NEGR1: variants seen among roughly 807,000 people sequenced by gnomAD.
NEGR1 encodes the protein IgLON family member 4.
In NEGR1, 10 loss-of-function variants were observed where a neutral mutation model predicts 40.9. That is an observed-to-expected ratio of 0.24 (90% CI 0.15 to 0.42). The LOEUF is 0.42. Ranked by LOEUF, NEGR1 falls within the 10% of genes least tolerant of loss-of-function variation. The probability of loss-of-function intolerance (pLI) is 1.00; values close to 1 mark genes in which losing one functional copy is unlikely to be tolerated. For missense variants in NEGR1, 352 were observed against 438.9 expected (o/e 0.80, Z 1.77); for synonymous variants, 185 against 166.8 (o/e 1.11, Z -0.84).
intron 6 of NEGR1, among the ~76,000 whole-genome samples, chr1:71,444,195 T>C (rs1253772643): frequency 6.6e-6 from 1 of 152,156 alleles, no homozygotes; most frequent in Non-Finnish European, 1.5e-5. Context: ...AACTTTTACA[T>C]GTTTTGAAGA....
chr1:71,550,106 A>G (rs529151010), intron 6 of NEGR1, among the ~76,000 whole-genome samples: 2 of 151,718 alleles, frequency 1.3e-5, no homozygotes, highest in Non-Finnish European at 3.0e-5. Context: ...AATCATTTCT[A>G]CTGTCCAAGT....
chr1:72,114,046 T>A lies in NEGR1; in HGVS notation c.176+168273A>T, dbSNP rs190663206. Among the ~76,000 whole-genome samples, 3 of 151,884 alleles carry A rather than the reference T, an allele frequency of 2.0e-5. No individual in the cohort carries two copies. In the East Asian group the frequency reaches 5.8e-4, roughly 29 times the overall value. ...GCTTACAAATTTGAAATACAGGTAC[T>A]TGAGTGTTTTCAAAATTGATCAACG... On this transcript the variant is annotated intron_variant, in intron 1 of 6. Transcript: ENST00000357731.
At chr1:72,113,238 A>C (rs1329206782) in intron 1 of NEGR1, among the ~76,000 whole-genome samples, 1 of 151,712 alleles carries the variant, frequency 6.6e-6, no homozygotes, top group Admixed American at 6.6e-5. Context: ...GAGACTCTAA[A>C]ACTGTGAATC....
chr1:71,689,308 T>G (rs1280336796), intron 4 of NEGR1, among the ~76,000 whole-genome samples: 1 of 152,170 alleles, frequency 6.6e-6, no homozygotes, highest in Non-Finnish European at 1.5e-5. Context: ...GCAGTCTCTA[T>G]AAAACTTAAA....
At chr1:71,629,161 G>T (rs564200152) in intron 4 of NEGR1, among the ~76,000 whole-genome samples, 2 of 152,172 alleles carry the variant, frequency 1.3e-5, no homozygotes, top group East Asian at 3.9e-4. Flanking sequence ...CTAATGACCA[G>T]TGATAATGAG....
intron 1 of NEGR1, among the ~76,000 whole-genome samples, chr1:72,135,621 A>G (rs1389443782): frequency 1.3e-5 from 2 of 152,088 alleles, no homozygotes; most frequent in East Asian, 3.9e-4. Context: ...TTGAGAAGAA[A>G]GAACTGTGAG....
chr1:71,652,571 G>T (rs1490209645), intron 4 of NEGR1, among the ~76,000 whole-genome samples: 1 of 152,010 alleles, frequency 6.6e-6, no homozygotes, highest in Non-Finnish European at 1.5e-5. Flanking sequence ...TTACTATTTT[G>T]CCCATTATAG....
At chr1:71,423,710 T>C (rs190645413) in intron 6 of NEGR1, among the ~76,000 whole-genome samples, 1 of 152,222 alleles carries the variant, frequency 6.6e-6, no homozygotes, top group Admixed American at 6.5e-5. Flanking sequence ...GCAATCACAT[T>C]ATAATTATCA....
intron 4 of NEGR1, among the ~76,000 whole-genome samples, chr1:71,624,752 A>G (rs547665183): frequency 9.9e-5 from 15 of 152,056 alleles, no homozygotes; most frequent in African/African-American, 2.4e-4. Context: ...CACCATATTA[A>G]GGAGGTGCTC....
intron 1 of NEGR1, among the ~76,000 whole-genome samples, chr1:72,036,297 T>G (rs1646901395): frequency 6.6e-6 from 1 of 152,146 alleles, no homozygotes; most frequent in African/African-American, 2.4e-5. Flanking sequence ...CATGGGGCTT[T>G]ACATGTGTGT....
At chr1:72,144,445 AC>A (rs1474652954) in intron 1 of NEGR1, among the ~76,000 whole-genome samples, 4 of 92,900 alleles carry the variant, frequency 4.3e-5, no homozygotes, top group Non-Finnish European at 1.2e-4. Flanking sequence ...AAAACAGATA[AC>A]AAACTACATA....
chr1:71,497,761 A>C (rs1160615645), intron 6 of NEGR1, among the ~76,000 whole-genome samples: 1 of 151,866 alleles, frequency 6.6e-6, no homozygotes, highest in African/African-American at 2.4e-5. Flanking sequence ...GGAAAAGATG[A>C]TGAGATATAG....
At chr1:71,724,662 A>C (rs1654615610) in intron 3 of NEGR1, among the ~76,000 whole-genome samples, 1 of 152,106 alleles carries the variant, frequency 6.6e-6, no homozygotes, top group Non-Finnish European at 1.5e-5. Flanking sequence ...TGTTTTTAAG[A>C]CTTCTTCATT....
chr1:71,689,315 T>G (rs1222130976), intron 4 of NEGR1, among the ~76,000 whole-genome samples: 2 of 152,134 alleles, frequency 1.3e-5, no homozygotes, highest in African/African-American at 4.8e-5. Flanking sequence ...CTATAAAACT[T>G]AAATAACTAT....
intron 1 of NEGR1, among the ~76,000 whole-genome samples, chr1:72,017,498 T>TA (rs1187074113): frequency 6.6e-6 from 1 of 152,050 alleles, no homozygotes; most frequent in African/African-American, 2.4e-5. Context: ...AGTGAATGGA[T>TA]AAAAAAATAA....
chr1:71,658,667 A>T (rs938121217), intron 4 of NEGR1, among the ~76,000 whole-genome samples: 3 of 152,208 alleles, frequency 2.0e-5, no homozygotes, highest in Non-Finnish European at 1.5e-5. Context: ...AGTAATACTA[A>T]TAGACAATTA....
rs117578431 is a variant in NEGR1 at position 71,581,624 on chromosome 1, G to A, written c.940+11193C>T. On this transcript the variant is annotated intron_variant, in intron 6 of 6. Coordinates refer to ENST00000357731, the MANE Select transcript of NEGR1 (RefSeq NM_173808.3). ...AAATCAGTGAAAGAATCTGTGAGAA[G>A]CAACTGACTATATGGAATTTACAAT... Among the ~76,000 whole-genome samples, 368 of 151,892 alleles carry A rather than the reference G, an allele frequency of 2.4e-3. 13 individuals carry two copies. The East Asian group carries it at 0.062, about 25-fold the overall frequency.
At chr1:71,453,039 A>G (rs889590232) in intron 6 of NEGR1, among the ~76,000 whole-genome samples, 9 of 152,184 alleles carry the variant, frequency 5.9e-5, no homozygotes, top group African/African-American at 2.2e-4. Context: ...TATGAGGCAA[A>G]TTACTGGAAG....
At chr1:71,687,449 A>T (rs1398511919) in intron 4 of NEGR1, among the ~76,000 whole-genome samples, 1 of 152,190 alleles carries the variant, frequency 6.6e-6, no homozygotes, top group African/African-American at 2.4e-5. Flanking sequence ...CACTGCTGTT[A>T]GCTTTTCTGT....
Sources: gnomAD v4.1 joint callset for allele counts (sites outside exome capture counted in the v4.1 genomes callset) on GRCh38, gnomAD v4.1.1 for gene constraint, MANE v1.5 for transcripts, NCBI Gene and HGNC (gene_info 2026-07-23, HGNC 2026-07-21) for gene names.